Variants in USP9Y observed in about 807,000 individuals in gnomAD.
USP9Y encodes ubiquitin specific peptidase 9 Y-linked.
USP9Y carries 41 observed loss-of-function variants against 53.1 expected under a neutral mutation model. The ratio of observed to expected loss-of-function variants is 0.77; its 90% CI spans 0.60 to 1.00. The LOEUF (loss-of-function observed/expected upper bound fraction) is 1.00. Among genes scored for constraint, USP9Y ranks in the 50% least tolerant of loss-of-function variants. The probability of loss-of-function intolerance (pLI) is 0.00; values close to 1 mark genes in which losing one functional copy is unlikely to be tolerated. For missense variants in USP9Y, 567 were observed against 535.8 expected, an observed-to-expected ratio of 1.06 and a Z score of -0.58; for synonymous variants, 220 against 173.7, an observed-to-expected ratio of 1.27 and a Z score of -2.09.
At chrY:12,707,741 CT>C (rs2053420628) in intron 1 of USP9Y, among the ~76,000 whole-genome samples, 2 of 24,900 alleles carry the variant, frequency 8.0e-5, no homozygotes, top group South Asian at 9.2e-4. Flanking sequence ...TAATTTTTTT[CT>C]TTTTTTTTTT....
rs769204223 is a variant in USP9Y, at chrY:12,786,727, T to C, written c.3488T>C (p.Ile1163Thr). 5 of 396,636 alleles carry C rather than the reference T, an allele frequency of 1.3e-5. No homozygotes were observed. The highest frequency in any genetic ancestry group is 1.4e-5 in the Non-Finnish European group (4 of 283,072). Reference sequence around the variant, plus strand: ...ATAGCCAAACTGTTGTTAACTGCGATTGGCTATGGCCATGTTCGAGCTGTA... The same window carrying C: ...ATAGCCAAACTGTTGTTAACTGCGACTGGCTATGGCCATGTTCGAGCTGTA... ...LKIAKLLLTAIGYGHVRAVAE... is the reference protein window; with the variant it reads ...LKIAKLLLTATGYGHVRAVAE... Residue 1163 changes from isoleucine (I) to threonine (T), a missense_variant, in exon 24 of 46, where the codon ATT (isoleucine) becomes ACT (threonine). By Grantham distance (89) the Ile-to-Thr change is moderately conservative. Coordinates refer to ENST00000338981, the MANE Select transcript of USP9Y (RefSeq NM_004654.4).
intron 7 of USP9Y, among the ~76,000 whole-genome samples, chrY:12,727,713 TCACACACA>T (rs1477283909): frequency 3.2e-5 from 1 of 30,846 alleles, no homozygotes; most frequent in Non-Finnish European, 8.0e-5. Flanking sequence ...GTGCGTGTGC[TCACACACA>T]CACACACACA....
intron 21 of USP9Y, among the ~76,000 whole-genome samples, chrY:12,779,219 C>T: frequency 3.1e-5 from 1 of 32,388 alleles, no homozygotes; most frequent in South Asian, 6.7e-4. Context: ...AGTGAGGTGC[C>T]TTTTGTATAA....
chrY:12,772,958 A>T, intron 16 of USP9Y, among the ~76,000 whole-genome samples: 1 of 32,535 alleles, frequency 3.1e-5, no homozygotes, highest in Non-Finnish European at 7.5e-5. Context: ...TGGGTGGAAG[A>T]GTGCTAAGAG....
At chrY:12,821,000 A>G (rs2053541247) in intron 33 of USP9Y, among the ~76,000 whole-genome samples, 1 of 33,564 alleles carries the variant, frequency 3.0e-5, no homozygotes, top group South Asian at 6.6e-4. Context: ...ATATGTTCCT[A>G]TTACATTTTT....
At chrY:12,762,032 A>G (rs2053475788) in intron 15 of USP9Y, among the ~76,000 whole-genome samples, 1 of 33,375 alleles carries the variant, frequency 3.0e-5, no homozygotes, top group South Asian at 6.9e-4. Context: ...CTGCATTTCA[A>G]TCCTGCCAGT....
chrY:12,835,355 T>C, intron 34 of USP9Y, among the ~76,000 whole-genome samples: 2 of 33,957 alleles, frequency 5.9e-5, no homozygotes, highest in Non-Finnish European at 1.5e-4. Context: ...TGCCAGAGTA[T>C]CACTTTTAAT....
Position 12,733,442 on chromosome Y carries a change from C to T in USP9Y, c.658-2170C>T, listed in dbSNP as rs768613226. On this transcript the variant is annotated intron_variant, in intron 7 of 45. Transcript: ENST00000338981. ...TGCCTCCTGGGTTCAAGCAATTCTC[C>T]TGTCTCACCCTCCCAAGTAGCTGGG... Among the ~76,000 whole-genome samples, 6 of 29,486 alleles carry T rather than the reference C, an allele frequency of 2.0e-4. No individual in the cohort carries two copies. The East Asian group carries it at 5.1e-3, about 25-fold the overall frequency. The allele number at this position is 29,486 out of a possible 37,273, so 79.1% of individuals were successfully genotyped here.
chrY:12,787,788 A>G, intron 24 of USP9Y, among the ~76,000 whole-genome samples: 1 of 33,408 alleles, frequency 3.0e-5, no homozygotes, highest in Non-Finnish European at 7.4e-5. Flanking sequence ...GGCTTCATGC[A>G]TATTTACATA....
chrY:12,727,743 A>G, intron 7 of USP9Y, among the ~76,000 whole-genome samples: 1 of 33,904 alleles, frequency 2.9e-5, no homozygotes, highest in Non-Finnish European at 7.4e-5. Flanking sequence ...ACAAACTCGC[A>G]GAATCCAAAA....
At chrY:12,737,215 C>T (rs2053452670) in intron 10 of USP9Y, among the ~76,000 whole-genome samples, 2 of 32,050 alleles carry the variant, frequency 6.2e-5, no homozygotes, top group South Asian at 1.4e-3. Context: ...CCTCATGATC[C>T]ACCTGCCTCA....
rs1170111178 is a variant in USP9Y at position 12,859,710 on chromosome Y, G to A, written c.*294G>A. Reference sequence around the variant, plus strand: ...AATTCTTAAGCAAGAAACTTTTTTTGATGAAAACAAGTCAGATCTACACAG... The same window carrying A: ...AATTCTTAAGCAAGAAACTTTTTTTAATGAAAACAAGTCAGATCTACACAG... On this transcript the variant is annotated 3_prime_UTR_variant, in exon 46 of 46. Coordinates refer to ENST00000338981, the MANE Select transcript of USP9Y (RefSeq NM_004654.4). 1 of 26,433 alleles carries A rather than the reference G, an allele frequency of 3.8e-5. No individual in the cohort carries two copies. Among genetic ancestry groups the A allele is most frequent in the Non-Finnish European group, 8.7e-5 (1 of 11,455 alleles). The allele number at this position is 26,433 out of a possible 400,897, so 6.6% of individuals were successfully genotyped here. A position where few individuals can be genotyped will look rare whatever the true frequency, so the allele number is the denominator to read the frequency against.
intron 3 of USP9Y, among the ~76,000 whole-genome samples, chrY:12,710,680 A>G (rs2053424282): frequency 3.0e-5 from 1 of 33,567 alleles, no homozygotes; most frequent in Non-Finnish European, 7.3e-5. Flanking sequence ...TCTGGTGGAA[A>G]AAAACGGTAG....
intron 24 of USP9Y, among the ~76,000 whole-genome samples, chrY:12,788,119 G>A: frequency 5.9e-5 from 2 of 33,985 alleles, no homozygotes; most frequent in African/African-American, 2.3e-4. Flanking sequence ...TAAGTAAGAT[G>A]TTGTAGTACT....
intron 3 of USP9Y, among the ~76,000 whole-genome samples, chrY:12,712,261 C>T (rs2053425667): frequency 3.0e-5 from 1 of 33,279 alleles, no homozygotes; most frequent in Non-Finnish European, 7.4e-5. Context: ...GTCCATTTCT[C>T]ATGGAAAAGT....
intron 22 of USP9Y, among the ~76,000 whole-genome samples, chrY:12,783,917 A>G: frequency 3.0e-5 from 1 of 33,454 alleles, no homozygotes; most frequent in Non-Finnish European, 7.4e-5. Flanking sequence ...TGTTTGATTA[A>G]TCCTATAGTT....
intron 27 of USP9Y, among the ~76,000 whole-genome samples, chrY:12,793,931 T>C (rs560008997): frequency 1.2e-4 from 4 of 33,472 alleles, no homozygotes; most frequent in African/African-American, 4.6e-4. Flanking sequence ...ACCTTTTAGC[T>C]CTTGATTACT....
At chrY:12,800,420 T>A (rs2053518033) in intron 27 of USP9Y, among the ~76,000 whole-genome samples, 1 of 33,519 alleles carries the variant, frequency 3.0e-5, no homozygotes, top group Non-Finnish European at 7.4e-5. Flanking sequence ...CGGGGCAGTT[T>A]CTAGGAAAGA....
chrY:12,827,725 G>A lies in USP9Y; in HGVS notation c.5022-5963G>A, dbSNP rs889492217. 3.0e-4 allele frequency among the ~76,000 whole-genome samples: 10 copies of A among 33,114 alleles called. No homozygotes were observed. The South Asian group carries it at 6.2e-3, about 20-fold the overall frequency. 88.8% of individuals were successfully genotyped at this position (33,114 alleles called of 37,273 possible). Reference sequence around the variant, plus strand: ...TGCCTCTAATCACAGCACTTTGGGCGGCTGAGACCGGTGGATCACCTGAGG... The same window carrying A: ...TGCCTCTAATCACAGCACTTTGGGCAGCTGAGACCGGTGGATCACCTGAGG... On this transcript the variant is annotated intron_variant, in intron 33 of 45. Coordinates refer to ENST00000338981, the MANE Select transcript of USP9Y (RefSeq NM_004654.4).
Sources: gnomAD v4.1 joint callset for allele counts (sites outside exome capture counted in the v4.1 genomes callset) on GRCh38, gnomAD v4.1.1 for gene constraint, MANE v1.5 for transcripts, NCBI Gene and HGNC (gene_info 2026-07-23, HGNC 2026-07-21) for gene names.